The following KCNQ3 variants were observed in gnomAD, a reference collection of about 807,000 sequenced individuals.
KCNQ3 encodes potassium voltage-gated channel subfamily Q member 3.
A neutral mutation model predicts 92.5 loss-of-function variants in KCNQ3; 30 were observed. That is an observed-to-expected ratio of 0.32 (90% CI 0.24 to 0.44). KCNQ3 has a LOEUF of 0.44. Ranked by LOEUF, KCNQ3 falls within the 20% of genes least tolerant of loss-of-function variation. The pLI is 1.00. For missense variants in KCNQ3, 913 were observed against 1,140.3 expected, an observed-to-expected ratio of 0.80 and a Z score of 2.87; for synonymous variants, 450 against 468.8, an observed-to-expected ratio of 0.96 and a Z score of 0.52.
chr8:132,413,980 A>C (rs931246162), intron 1 of KCNQ3, among the ~76,000 whole-genome samples: 1 of 152,218 alleles, frequency 6.6e-6, no homozygotes. Flanking sequence ...ATTCATCCTG[A>C]GGAGACGCCC....
intron 1 of KCNQ3, among the ~76,000 whole-genome samples, chr8:132,219,206 G>C (rs1358190648): frequency 6.6e-6 from 1 of 152,168 alleles, no homozygotes; most frequent in Admixed American, 6.5e-5. Flanking sequence ...TGGGGACCTT[G>C]ATGAGTGCAG....
At chr8:132,273,100 G>A (rs1454001773) in intron 1 of KCNQ3, among the ~76,000 whole-genome samples, 4 of 152,086 alleles carry the variant, frequency 2.6e-5, no homozygotes, top group African/African-American at 9.7e-5. Context: ...CCACTAGGTG[G>A]TGCCCCAGTA....
intron 1 of KCNQ3, among the ~76,000 whole-genome samples, chr8:132,447,968 C>T (rs1821725468): frequency 6.6e-6 from 1 of 152,202 alleles, no homozygotes; most frequent in Admixed American, 6.5e-5. Context: ...AACCAAATCC[C>T]CTTTTCATTT....
rs576843531 is a variant in KCNQ3, at chr8:132,424,377, T to G, written c.386+55770A>C. Among the ~76,000 whole-genome samples, 9 of 152,272 alleles carry G rather than the reference T, an allele frequency of 5.9e-5. 1 individual carries two copies. The highest frequency in any genetic ancestry group is 2.2e-4 in the African/African-American group (9 of 41,568). On this transcript the variant is annotated intron_variant, in intron 1 of 14. Transcript: ENST00000388996. ...CTCCAAAAACTCTAACCTCTACCTT[T>G]GGTCACTCTGTGTTCCCATTTTGTA...
chr8:132,170,379 G>A lies in KCNQ3; in HGVS notation c.1190C>T (p.Ala397Val), dbSNP rs1420105071. ...GACTGATTCATAAAATCTCCATGTC[G>A]CCACCAGGTCAATCCTGTTGGGGTT... is the stretch of plus-strand genomic sequence containing the variant. ...ATNPNRIDLV[A>V]TWRFYESVVS... is the part of the protein sequence containing the mutation. Residue 397 changes from alanine (A) to valine (V), a missense_variant, in exon 8 of 15, where the codon GCG becomes GTG. By Grantham distance (64) the Ala-to-Val change is moderately conservative (BLOSUM62 0). Coordinates refer to ENST00000388996, the MANE Select transcript of KCNQ3 (RefSeq NM_004519.4). 1 of 1,613,832 alleles carries A rather than the reference G, an allele frequency of 6.2e-7. No individual in the cohort carries two copies. Among genetic ancestry groups the A allele is most frequent in the Non-Finnish European group, 8.5e-7 (1 of 1,179,930 alleles).
intron 1 of KCNQ3, among the ~76,000 whole-genome samples, chr8:132,194,319 C>T (rs2130232752): frequency 6.6e-6 from 1 of 152,346 alleles, no homozygotes; most frequent in East Asian, 1.9e-4. Context: ...CAGTGACAGA[C>T]CTCAAACTGC....
chr8:132,451,925 T>C (rs1157229105), intron 1 of KCNQ3, among the ~76,000 whole-genome samples: 1 of 151,904 alleles, frequency 6.6e-6, no homozygotes, highest in Non-Finnish European at 1.5e-5. Context: ...AAGAGAAAAA[T>C]GGGACATTTT....
At chr8:132,246,097 C>T (rs61489799) in intron 1 of KCNQ3, among the ~76,000 whole-genome samples, 6 of 152,170 alleles carry the variant, frequency 3.9e-5, no homozygotes, top group East Asian at 1.9e-4. Context: ...GAGCATGGTT[C>T]GTTTTCCACA....
intron 1 of KCNQ3, among the ~76,000 whole-genome samples, chr8:132,437,022 G>T (rs1794554851): frequency 6.6e-6 from 1 of 151,472 alleles, no homozygotes; most frequent in Non-Finnish European, 1.5e-5. Flanking sequence ...GCTCACGCCT[G>T]TAATCCCAGC....
In KCNQ3 at chr8:132,133,545, G is replaced by T. The variant is rs112165512; in HGVS notation, c.1799+745C>A. On this transcript the variant is annotated intron_variant, in intron 13 of 14. Transcript: ENST00000388996. ...TAATTTTTGTATTTTTAGTAGAGAT[G>T]GGGTTTCACTATGTTGGCCAGGCTG... Among the ~76,000 whole-genome samples the T allele has an allele frequency of 4.6e-5, 7 of 151,946 alleles. No homozygotes were observed. The South Asian group carries it at 1.5e-3, about 32-fold the overall frequency.
At chr8:132,388,757 T>C (rs72721046) in intron 1 of KCNQ3, among the ~76,000 whole-genome samples, 1,768 of 152,356 alleles carry the variant, frequency 0.012, 16 homozygotes, top group Non-Finnish European at 0.02. Flanking sequence ...CTTCATAAAA[T>C]AGATTAATGG....
intron 8 of KCNQ3, 52 bp from the exon 9 acceptor site, chr8:132,163,546 G>C: frequency 1.4e-6 from 2 of 1,425,244 alleles, no homozygotes; most frequent in Non-Finnish European, 2.0e-6. Context: ...TGAAACAGCT[G>C]TATCCTTCCT....
intron 1 of KCNQ3, among the ~76,000 whole-genome samples, chr8:132,449,408 T>C (rs1280746631): frequency 6.6e-6 from 1 of 151,836 alleles, no homozygotes; most frequent in African/African-American, 2.4e-5. Context: ...AGTGGTCAAT[T>C]TCCCATCCCC....
At chr8:132,340,306 G>A (rs1029225675) in intron 1 of KCNQ3, among the ~76,000 whole-genome samples, 1 of 152,176 alleles carries the variant, frequency 6.6e-6, no homozygotes, top group Non-Finnish European at 1.5e-5. Flanking sequence ...AAGGACGCAT[G>A]CACACATATG....
At chr8:132,131,799 T>C (rs1363200368) in intron 14 of KCNQ3, among the ~76,000 whole-genome samples, 1 of 151,984 alleles carries the variant, frequency 6.6e-6, no homozygotes, top group Non-Finnish European at 1.5e-5. Flanking sequence ...TGAAAAACAA[T>C]GGTGGGGACT....
intron 1 of KCNQ3, among the ~76,000 whole-genome samples, chr8:132,346,803 G>C (rs1203106238): frequency 6.6e-6 from 1 of 152,196 alleles, no homozygotes; most frequent in Non-Finnish European, 1.5e-5. Context: ...CCTCACAGCT[G>C]TTCCCTCTAG....
intron 1 of KCNQ3, among the ~76,000 whole-genome samples, chr8:132,200,958 A>T (rs753152086): frequency 6.6e-6 from 1 of 152,198 alleles, no homozygotes; most frequent in Non-Finnish European, 1.5e-5. Flanking sequence ...TTATCTAAGA[A>T]GCCCATGAGT....
chr8:132,268,372 C>G (rs1816053885), intron 1 of KCNQ3, among the ~76,000 whole-genome samples: 1 of 152,164 alleles, frequency 6.6e-6, no homozygotes, highest in African/African-American at 2.4e-5. Flanking sequence ...TCAAGAGATT[C>G]TCCTGCCTCA....
chr8:132,328,854 T>G (rs1818144641), intron 1 of KCNQ3, among the ~76,000 whole-genome samples: 1 of 152,186 alleles, frequency 6.6e-6, no homozygotes, highest in Admixed American at 6.5e-5. Flanking sequence ...CCTGAATTAC[T>G]GCAACACTTC....
Sources: allele counts gnomAD v4.1 joint callset (sites outside exome capture counted in the v4.1 genomes callset), GRCh38; gene constraint gnomAD v4.1.1; transcripts MANE v1.5; gene names NCBI Gene and HGNC (gene_info 2026-07-23, HGNC 2026-07-21).